PXDNL: variants seen among roughly 807,000 people sequenced by gnomAD.
The protein encoded by PXDNL is peroxidasin like, also known as probable oxidoreductase PXDNL.
A neutral mutation model predicts 150.8 loss-of-function variants in PXDNL; 145 were observed. The ratio of observed to expected loss-of-function variants is 0.96; its 90% CI spans 0.84 to 1.10. PXDNL has a LOEUF of 1.10. Among genes scored for constraint, PXDNL ranks in the 50% least tolerant of loss-of-function variants. The pLI, the probability that PXDNL is intolerant of heterozygous loss-of-function variation, is 0.00. For missense variants in PXDNL, 2,087 were observed against 1,873.9 expected, an observed-to-expected ratio of 1.11 and a Z score of -2.10; for synonymous variants, 757 against 725.7, an observed-to-expected ratio of 1.04 and a Z score of -0.69.
intron 4 of PXDNL, among the ~76,000 whole-genome samples, chr8:51,540,039 C>T (rs1216066024): frequency 2.0e-5 from 3 of 151,818 alleles, no homozygotes; most frequent in Non-Finnish European, 4.4e-5. Context: ...ACTGGGACTA[C>T]AGGTGCACAC....
intron 1 of PXDNL, among the ~76,000 whole-genome samples, chr8:51,710,732 T>A (rs892342810): frequency 1.3e-5 from 2 of 152,236 alleles, no homozygotes; most frequent in East Asian, 1.9e-4. Context: ...TTTAGCATAA[T>A]GTCTTCTAGG....
At chr8:51,733,216 G>A (rs961943883) in intron 1 of PXDNL, among the ~76,000 whole-genome samples, 6 of 152,172 alleles carry the variant, frequency 3.9e-5, no homozygotes, top group Non-Finnish European at 8.8e-5. Flanking sequence ...GACCTTACTT[G>A]AGACTGTAAA....
intron 12 of PXDNL, among the ~76,000 whole-genome samples, chr8:51,433,314 G>GT (rs1031739501): frequency 4.0e-5 from 6 of 150,854 alleles, no homozygotes; most frequent in East Asian, 3.9e-4. Context: ...TAAAAAAAGG[G>GT]TTTTTTTGTA....
At chr8:51,743,822 T>G (rs1195565649) in intron 1 of PXDNL, among the ~76,000 whole-genome samples, 1 of 151,684 alleles carries the variant, frequency 6.6e-6, no homozygotes, top group Non-Finnish European at 1.5e-5. Flanking sequence ...GGCCCCTACT[T>G]TCATTTTGTT....
chr8:51,481,361 G>A (rs1301929996), intron 6 of PXDNL, among the ~76,000 whole-genome samples: 2 of 152,186 alleles, frequency 1.3e-5, no homozygotes, highest in Non-Finnish European at 2.9e-5. Context: ...TCAGGTATCT[G>A]GTAGAAGAAA....
At chr8:51,456,565 A>G (rs1012811711) in intron 9 of PXDNL, among the ~76,000 whole-genome samples, 2 of 152,218 alleles carry the variant, frequency 1.3e-5, no homozygotes, top group African/African-American at 4.8e-5. Context: ...AATTTTAACT[A>G]AATAAACTTA....
chr8:51,576,198 C>CA (rs35166901), intron 3 of PXDNL, among the ~76,000 whole-genome samples: 14,104 of 109,096 alleles, frequency 0.13, 1,217 homozygotes, highest in East Asian at 0.28. Context: ...AACACTGCTC[C>CA]AAAAAAAAAA....
intron 15 of PXDNL, among the ~76,000 whole-genome samples, chr8:51,412,505 A>G (rs1325297342): frequency 6.6e-6 from 1 of 152,230 alleles, no homozygotes; most frequent in Non-Finnish European, 1.5e-5. Flanking sequence ...ACACACATGC[A>G]TGATCACAAA....
intron 1 of PXDNL, among the ~76,000 whole-genome samples, chr8:51,687,892 A>C (rs1260334434): frequency 6.6e-6 from 1 of 152,146 alleles, no homozygotes; most frequent in Non-Finnish European, 1.5e-5. Flanking sequence ...GAATAACTTC[A>C]CTTTAGAGCC....
intron 19 of PXDNL, among the ~76,000 whole-genome samples, chr8:51,361,366 G>A (rs1001874541): frequency 2.0e-5 from 3 of 152,084 alleles, no homozygotes; most frequent in African/African-American, 4.8e-5. Context: ...AGGGATTTTT[G>A]TGTTCTACCC....
At chr8:51,615,874 A>G (rs760821148) in intron 2 of PXDNL, among the ~76,000 whole-genome samples, 2 of 152,232 alleles carry the variant, frequency 1.3e-5, no homozygotes, top group African/African-American at 2.4e-5. Context: ...GCATGATGAC[A>G]GTGCATTAAC....
intron 4 of PXDNL, among the ~76,000 whole-genome samples, chr8:51,505,000 T>G (rs1465925924): frequency 1.3e-5 from 2 of 152,252 alleles, no homozygotes; most frequent in African/African-American, 4.8e-5. Flanking sequence ...TCATAATGTA[T>G]GTTTAATTGT....
chr8:51,463,846 T>G (rs953444983), intron 8 of PXDNL, among the ~76,000 whole-genome samples: 1 of 152,114 alleles, frequency 6.6e-6, no homozygotes, highest in African/African-American at 2.4e-5. Context: ...GAATGACTTT[T>G]GGGTAAACAA....
At chr8:51,423,534 A>T in intron 14 of PXDNL, 41 bp downstream of exon 14, 1 of 1,579,050 alleles carries the variant, frequency 6.3e-7, no homozygotes, top group Non-Finnish European at 8.6e-7. Context: ...CTGTTCAAAG[A>T]CAGTTATTTG....
intron 1 of PXDNL, among the ~76,000 whole-genome samples, chr8:51,726,317 C>T (rs957529382): frequency 3.2e-4 from 48 of 152,198 alleles, no homozygotes; most frequent in Admixed American, 4.6e-4. Flanking sequence ...ATGAACACGC[C>T]GGCTCTATGC....
chr8:51,682,817 C>T (rs990727298), intron 1 of PXDNL, among the ~76,000 whole-genome samples: 1 of 151,844 alleles, frequency 6.6e-6, no homozygotes, highest in Non-Finnish European at 1.5e-5. Context: ...ATCAGCATTT[C>T]CCGAAGGGCT....
intron 2 of PXDNL, among the ~76,000 whole-genome samples, chr8:51,627,764 G>T (rs573390024): frequency 1.3e-3 from 196 of 152,236 alleles, no homozygotes; most frequent in African/African-American, 4.4e-3. Flanking sequence ...CCCCATCCTG[G>T]GTTCAAAGGT....
chr8:51,705,906 A>C (rs1236906781), intron 1 of PXDNL, among the ~76,000 whole-genome samples: 1 of 152,228 alleles, frequency 6.6e-6, no homozygotes, highest in East Asian at 1.9e-4. Context: ...CATAATTTAC[A>C]TTTATTTAAA....
At chr8:51,621,476 G>C (rs1814251890) in intron 2 of PXDNL, among the ~76,000 whole-genome samples, 2 of 151,666 alleles carry the variant, frequency 1.3e-5, no homozygotes, top group South Asian at 2.1e-4. Flanking sequence ...GTGTGTGTGT[G>C]TGTGTGTGTG....
Sources: allele counts gnomAD v4.1 joint callset (sites outside exome capture counted in the v4.1 genomes callset), GRCh38; gene constraint gnomAD v4.1.1; transcripts MANE v1.5; gene names NCBI Gene and HGNC (gene_info 2026-07-23, HGNC 2026-07-21).